The following KIFAP3 variants were observed in gnomAD, a reference collection of about 807,000 sequenced individuals.
KIFAP3 encodes kinesin-associated protein 3.
A neutral mutation model predicts 106.5 loss-of-function variants in KIFAP3; 68 were observed. The observed-to-expected ratio is 0.64, with a 90% CI of 0.53 to 0.78. The LOEUF (loss-of-function observed/expected upper bound fraction) is 0.78, where lower values mean the gene tolerates loss of function less well. KIFAP3 is among the 30% of genes least tolerant of loss of function. The probability of loss-of-function intolerance (pLI) is 0.00; values close to 1 mark genes in which losing one functional copy is unlikely to be tolerated. For missense variants in KIFAP3, 780 were observed against 941.8 expected (o/e 0.83, Z 2.25); for synonymous variants, 320 against 311.5 (o/e 1.03, Z -0.29).
intron 19 of KIFAP3, among the ~76,000 whole-genome samples, chr1:169,951,439 T>C (rs1571547920): frequency 6.6e-6 from 1 of 151,934 alleles, no homozygotes; most frequent in African/African-American, 2.4e-5. Flanking sequence ...ATATGTCTTT[T>C]GTGAAGTAAA....
chr1:169,933,989 T>C (rs1663644033), intron 19 of KIFAP3, among the ~76,000 whole-genome samples: 3 of 152,158 alleles, frequency 2.0e-5, no homozygotes. Flanking sequence ...TTAATATCTC[T>C]ATGCCTTGAG....
At chr1:169,978,206 A>G in intron 15 of KIFAP3, 23 bp from the exon 16 acceptor site, 10 of 1,437,748 alleles carry the variant, frequency 7.0e-6, no homozygotes, top group Non-Finnish European at 8.8e-6. Flanking sequence ...AAAAAATTCA[A>G]ATAAAGAATA....
At chr1:170,056,702 C>T (rs12139141) in intron 1 of KIFAP3, among the ~76,000 whole-genome samples, 10,889 of 152,006 alleles carry the variant, frequency 0.072, 439 homozygotes, top group Non-Finnish European at 0.095. Flanking sequence ...ACGGATCTGT[C>T]CACCAGAATT....
intron 1 of KIFAP3, among the ~76,000 whole-genome samples, chr1:170,083,604 AC>A (rs1323873311): frequency 6.6e-5 from 10 of 152,220 alleles, no homozygotes; most frequent in Non-Finnish European, 1.5e-4. Context: ...ATAAATTTGT[AC>A]CAGTGTATTT....
intron 18 of KIFAP3, among the ~76,000 whole-genome samples, chr1:169,955,055 G>A (rs1002772229): frequency 1.1e-4 from 16 of 152,228 alleles, no homozygotes; most frequent in Admixed American, 7.2e-4. Flanking sequence ...GAACAAATAC[G>A]TTAGTATACT....
At chr1:170,036,131 T>A (rs1353236915) in intron 5 of KIFAP3, among the ~76,000 whole-genome samples, 1 of 152,064 alleles carries the variant, frequency 6.6e-6, no homozygotes, top group Non-Finnish European at 1.5e-5. Flanking sequence ...AACTTTCAGG[T>A]AGGTTAATAA....
intron 19 of KIFAP3, among the ~76,000 whole-genome samples, chr1:169,928,830 C>A (rs1035459754): frequency 6.6e-6 from 1 of 151,736 alleles, no homozygotes; most frequent in African/African-American, 2.4e-5. Context: ...AAATTTTGCC[C>A]CCTTAGTATG....
At chr1:170,060,549 A>G (rs990215995) in intron 1 of KIFAP3, among the ~76,000 whole-genome samples, 1 of 152,194 alleles carries the variant, frequency 6.6e-6, no homozygotes, top group Non-Finnish European at 1.5e-5. Context: ...ATGCTCATGG[A>G]TAGGAAGAAT....
At chr1:170,076,829 G>T (rs186404826), upstream of KIFAP3, among the ~76,000 whole-genome samples, 2 of 152,100 alleles carry the variant, frequency 1.3e-5, no homozygotes, top group Non-Finnish European at 2.9e-5. Flanking sequence ...GTTTTACCCC[G>T]CATATTTCTT....
intron 10 of KIFAP3, among the ~76,000 whole-genome samples, chr1:170,005,144 AAAACCACAAT>A (rs1667881300): frequency 1.3e-5 from 2 of 151,182 alleles, no homozygotes; most frequent in Admixed American, 6.6e-5. Context: ...AATGCAAATC[AAAACCACAAT>A]GAGATACCAT....
Position 169,982,050 on chromosome 1 carries a change from T to A in KIFAP3, c.1720A>T (p.Thr574Ser), listed in dbSNP as rs778861179. The A allele has an allele frequency of 3.7e-6, 6 of 1,613,282 alleles. No individual in the cohort carries two copies. Among genetic ancestry groups the A allele is most frequent in the Non-Finnish European group, 3.4e-6 (4 of 1,179,458 alleles). The change falls in exon 15 of 20, where the codon ACT becomes TCT. Residue 574 changes from threonine to serine, a missense_variant. Thr to Ser is a moderately conservative substitution (Grantham distance 58, BLOSUM62 1). Coordinates refer to ENST00000361580, the MANE Select transcript of KIFAP3 (RefSeq NM_014970.4). ...LVLEVVIMIG[T>S]VSMDDSCAAL... Reference sequence around the variant, plus strand: ...GCACAAGAGTCATCCATGGATACAGTTCCAATCATTATAACCACTTCTAAA... The same window carrying A: ...GCACAAGAGTCATCCATGGATACAGATCCAATCATTATAACCACTTCTAAA...
chr1:169,982,762 A>T lies in KIFAP3; in HGVS notation c.1612T>A (p.Trp538Arg). ...TTATATTCTTTAAGAACCAATTCCC[A>T]GTCTAAGTCTGGAATGGTCAAGTTT... ...LANLTIPDLD[W>R]ELVLKEYKLV... Residue 538 changes from tryptophan to arginine, a missense_variant, in exon 14 of 20, where the codon TGG becomes AGG. Around this residue, in one of 3 missense-constraint regions of KIFAP3, gnomAD observed 588 missense variants for 678.9 expected, o/e 0.87. Transcript: ENST00000361580. The T allele has an allele frequency of 8.1e-6, 13 of 1,610,610 alleles. No individual in the cohort carries two copies. The highest frequency in any genetic ancestry group is 1.0e-5 in the Non-Finnish European group (12 of 1,177,842).
chr1:170,003,947 A>G (rs1341830399), intron 10 of KIFAP3, among the ~76,000 whole-genome samples: 1 of 152,124 alleles, frequency 6.6e-6, no homozygotes, highest in Non-Finnish European at 1.5e-5. Context: ...ACATGATTGT[A>G]TATCTAGAAA....
chr1:170,017,195 T>A (rs1245115822), intron 9 of KIFAP3, among the ~76,000 whole-genome samples: 1 of 144,302 alleles, frequency 6.9e-6, no homozygotes, highest in Non-Finnish European at 1.5e-5. Flanking sequence ...AAACAGAGGT[T>A]GCAGTGAGCC....
chr1:169,955,707 T>A (rs992748230), intron 18 of KIFAP3, among the ~76,000 whole-genome samples: 3 of 152,194 alleles, frequency 2.0e-5, no homozygotes, highest in African/African-American at 7.2e-5. Context: ...TATTTAATTG[T>A]CAAATTGTTA....
intron 18 of KIFAP3, among the ~76,000 whole-genome samples, chr1:169,957,183 C>T (rs1665060581): frequency 6.6e-6 from 1 of 152,126 alleles, no homozygotes; most frequent in African/African-American, 2.4e-5. Context: ...CTAGGAGTGT[C>T]TTAAATTCCT....
upstream of KIFAP3, chr1:170,074,868 A>T: frequency 1.8e-6 from 1 of 555,912 alleles, no homozygotes; most frequent in Non-Finnish European, 2.5e-6. Context: ...CCCCTTGAGG[A>T]TGGGAATAGA....
intron 7 of KIFAP3, among the ~76,000 whole-genome samples, chr1:170,032,733 T>C (rs1013565149): frequency 6.6e-6 from 1 of 151,720 alleles, no homozygotes; most frequent in Admixed American, 6.6e-5. Flanking sequence ...AGAATTCTGA[T>C]GTCATTTTTA....
chr1:170,031,640 T>TA (rs1235336698), intron 8 of KIFAP3, among the ~76,000 whole-genome samples: 1 of 151,730 alleles, frequency 6.6e-6, no homozygotes, highest in Admixed American at 6.6e-5. Context: ...CACACTGGAT[T>TA]AAAAAATCCT....
Sources: allele counts gnomAD v4.1 joint callset (sites outside exome capture counted in the v4.1 genomes callset), GRCh38; gene constraint gnomAD v4.1.1; regional missense constraint gnomAD v4.1.1; transcripts MANE v1.5; gene names NCBI Gene and HGNC (gene_info 2026-07-23, HGNC 2026-07-21).